The following MYPN variants were observed in gnomAD, a reference collection of about 807,000 sequenced individuals.
MYPN encodes the protein myopalladin.
A neutral mutation model predicts 129.4 loss-of-function variants in MYPN; 63 were observed. The observed-to-expected ratio is 0.49, with a 90% confidence interval of 0.40 to 0.60. The LOEUF (loss-of-function observed/expected upper bound fraction) is 0.60. Among genes scored for constraint, MYPN ranks in the 20% least tolerant of loss-of-function variants. The pLI is 0.00. For synonymous variants in MYPN, 629 were observed against 600.9 expected (o/e 1.05, Z -0.68); for missense variants, 1,596 against 1,635.4 (o/e 0.98, Z 0.42).
chr10:68,206,913 A>C lies in MYPN; in HGVS notation c.3793+10A>C. 1 of 1,614,158 alleles carries C rather than the reference A, an allele frequency of 6.2e-7. No individual in the cohort carries two copies. The highest frequency in any genetic ancestry group is 8.5e-7 in the Non-Finnish European group (1 of 1,180,006). The stretch of plus-strand genomic sequence containing the variant: ...AGGCTGGATATATACGGTAAGTGTA[A>C]TGCTGTTAGTTGAACATCTGTATGC... On this transcript the variant is annotated intron_variant, in intron 19 of 19. Coordinates refer to ENST00000358913, the MANE Select transcript of MYPN (RefSeq NM_032578.4).
intron 12 of MYPN, 27 bp downstream of exon 12, chr10:68,175,488 A>G: frequency 6.2e-7 from 1 of 1,612,894 alleles, no homozygotes; most frequent in South Asian, 1.1e-5. Flanking sequence ...TAGAAGGTTT[A>G]TTGAAATTTT....
chr10:68,186,232 A>G (rs771861063), intron 12 of MYPN, among the ~76,000 whole-genome samples: 4 of 151,432 alleles, frequency 2.6e-5, no homozygotes, highest in Non-Finnish European at 5.9e-5. Context: ...ACTTTTTTTT[A>G]CCCAGTTTGA....
intron 13 of MYPN, among the ~76,000 whole-genome samples, chr10:68,192,122 GAT>G (rs1303809528): frequency 2.0e-5 from 3 of 152,138 alleles, no homozygotes; most frequent in African/African-American, 7.2e-5. Flanking sequence ...TGTTCAGTAC[GAT>G]ATTAGCTGTG....
chr10:68,133,217 G>A (rs1484008584), intron 2 of MYPN, among the ~76,000 whole-genome samples: 1 of 151,812 alleles, frequency 6.6e-6, no homozygotes, highest in African/African-American at 2.4e-5. Context: ...GTAGAGACGG[G>A]TTCTGCCATA....
At chr10:68,150,905 C>T (rs1589559580) in intron 6 of MYPN, among the ~76,000 whole-genome samples, 2 of 152,268 alleles carry the variant, frequency 1.3e-5, no homozygotes, top group East Asian at 1.9e-4. Flanking sequence ...CAAACTTAGG[C>T]CCAAATAGAT....
At chr10:68,097,168 G>C (rs553919513) in intron 1 of MYPN, among the ~76,000 whole-genome samples, 141 of 152,280 alleles carry the variant, frequency 9.3e-4, no homozygotes, top group African/African-American at 3.3e-3. Context: ...TATGTTACCG[G>C]TGTGAATCTG....
intron 13 of MYPN, among the ~76,000 whole-genome samples, chr10:68,192,145 A>G (rs981288027): frequency 7.0e-4 from 106 of 152,270 alleles, no homozygotes; most frequent in African/African-American, 2.5e-3. Context: ...GGTTTGTCAT[A>G]TATGGACTTC....
In MYPN at chr10:68,212,001, T is replaced by C. The variant is rs2043927923; in HGVS notation, c.*1546T>C. 8.4e-6 allele frequency: 3 copies of C among 358,066 alleles called. No homozygotes were observed. Among genetic ancestry groups the C allele is most frequent in the Non-Finnish European group, 1.6e-5 (3 of 182,576 alleles). The allele number at this position is 358,066 out of a possible 1,614,324, so 22.2% of individuals were successfully genotyped here. Reference sequence around the variant, plus strand: ...CAAGGATTTCCAGCATAAAAATAAATTCATTCACTGGAGAAATCATTTGTA... The same window carrying C: ...CAAGGATTTCCAGCATAAAAATAAACTCATTCACTGGAGAAATCATTTGTA... On this transcript the variant is annotated 3_prime_UTR_variant, in exon 20 of 20. Coordinates refer to ENST00000358913, the MANE Select transcript of MYPN (RefSeq NM_032578.4).
At chr10:68,207,603 C>T (rs2043837459) in intron 19 of MYPN, among the ~76,000 whole-genome samples, 1 of 77,026 alleles carries the variant, frequency 1.3e-5, no homozygotes, top group Non-Finnish European at 2.9e-5. Flanking sequence ...ATTCCTTTAA[C>T]AAATGTGTGT....
chr10:68,167,461 G>C (rs552474665), intron 10 of MYPN, among the ~76,000 whole-genome samples: 1 of 152,338 alleles, frequency 6.6e-6, no homozygotes, highest in Non-Finnish European at 1.5e-5. Context: ...GGAGCCTACT[G>C]TGGTTGTTGC....
intron 13 of MYPN, among the ~76,000 whole-genome samples, chr10:68,189,954 T>C (rs2134261167): frequency 6.6e-6 from 1 of 152,310 alleles, no homozygotes; most frequent in South Asian, 2.1e-4. Context: ...CCATACTGTT[T>C]TCCATAGCAG....
rs2043895055 is a variant in MYPN, at chr10:68,210,516, A to G, written c.*61A>G. 1 of 1,601,294 alleles carries G rather than the reference A, an allele frequency of 6.2e-7. No individual in the cohort carries two copies. Among genetic ancestry groups the G allele is most frequent in the Non-Finnish European group, 8.5e-7 (1 of 1,172,798 alleles). On this transcript the variant is annotated 3_prime_UTR_variant, in exon 20 of 20. Transcript: ENST00000358913. ...TGTGGAGGGGGAATGAGAACAAGCCAGACTTGGTGGTTTCCAAGCAACCGA... is the reference window on the plus strand; with the variant it reads ...TGTGGAGGGGGAATGAGAACAAGCCGGACTTGGTGGTTTCCAAGCAACCGA...
At chr10:68,115,594 T>C (rs1390057935) in intron 1 of MYPN, among the ~76,000 whole-genome samples, 1 of 152,220 alleles carries the variant, frequency 6.6e-6, no homozygotes, top group Non-Finnish European at 1.5e-5. Flanking sequence ...TCCTAACTGA[T>C]CTGCTCACTT....
Position 68,182,441 on chromosome 10 carries a change from C to T in MYPN, c.2704-6464C>T, listed in dbSNP as rs181837034. Among the ~76,000 whole-genome samples the T allele has an allele frequency of 3.4e-3, 384 of 113,772 alleles. 11 individuals carry two copies. The highest frequency in any genetic ancestry group is 5.7e-3 in the Non-Finnish European group (318 of 55,624). The allele number at this position is 113,772 out of a possible 152,430, so 74.6% of individuals were successfully genotyped here. A position where few individuals can be genotyped will look rare whatever the true frequency, so the allele number is the denominator to read the frequency against. On this transcript the variant is annotated intron_variant, in intron 12 of 19. Transcript: ENST00000358913. ...ACATATATATAACACATATATATAA[C>T]ATATATATAACATATATATATAACA...
At chr10:68,120,512 C>T (rs1311134254) in intron 1 of MYPN, among the ~76,000 whole-genome samples, 1 of 152,008 alleles carries the variant, frequency 6.6e-6, no homozygotes, top group Non-Finnish European at 1.5e-5. Context: ...TCTTTGTAGC[C>T]TAATATGAAG....
intron 19 of MYPN, among the ~76,000 whole-genome samples, chr10:68,207,116 G>A (rs1247797701): frequency 6.6e-6 from 1 of 152,038 alleles, no homozygotes; most frequent in African/African-American, 2.4e-5. Context: ...AAATTAGCCA[G>A]GCATGGTGGC....
In MYPN at chr10:68,211,981, A is replaced by G. The variant is rs935597566; in HGVS notation, c.*1526A>G. 14 of 358,688 alleles carry G rather than the reference A, an allele frequency of 3.9e-5. No homozygotes were observed. The Admixed American group carries it at 4.9e-4, about 12-fold the overall frequency. The allele number at this position is 358,688 out of a possible 1,614,324, so 22.2% of individuals were successfully genotyped here. On this transcript the variant is annotated 3_prime_UTR_variant, in exon 20 of 20. Transcript: ENST00000358913. ...AAACTGTCTTCACTTCAAGGCAAGGATTTCCAGCATAAAAATAAATTCATT... is the reference window on the plus strand; with the variant it reads ...AAACTGTCTTCACTTCAAGGCAAGGGTTTCCAGCATAAAAATAAATTCATT...
At chr10:68,108,333 G>A (rs1270686811), upstream of MYPN, among the ~76,000 whole-genome samples, 1 of 152,148 alleles carries the variant, frequency 6.6e-6, no homozygotes, top group Non-Finnish European at 1.5e-5. Flanking sequence ...TCTGTTCAAT[G>A]TACTATCAAT....
At chr10:68,197,273 A>G in intron 15 of MYPN, 79 bp from the exon 16 acceptor site, 1 of 1,541,092 alleles carries the variant, frequency 6.5e-7, no homozygotes, top group East Asian at 2.3e-5. Flanking sequence ...CTAGGTCTGT[A>G]GCCATGCCTA....
Sources: allele counts gnomAD v4.1 joint callset (sites outside exome capture counted in the v4.1 genomes callset), GRCh38; gene constraint gnomAD v4.1.1; transcripts MANE v1.5; gene names NCBI Gene and HGNC (gene_info 2026-07-23, HGNC 2026-07-21).